ASIC2: variants seen among roughly 807,000 people sequenced by gnomAD.
ASIC2 encodes the protein acid-sensing ion channel 2.
Under a neutral mutation model 57.3 loss-of-function variants are expected in ASIC2, and 25 were observed. That is an observed-to-expected ratio of 0.44 (90% CI 0.32 to 0.61). The LOEUF is 0.61. Among genes scored for constraint, ASIC2 ranks in the 20% least tolerant of loss-of-function variants. The probability of loss-of-function intolerance (pLI) is 0.06; values close to 1 mark genes in which losing one functional copy is unlikely to be tolerated. For synonymous variants in ASIC2, 319 were observed against 307.5 expected, an observed-to-expected ratio of 1.04 and a Z score of -0.39; for missense variants, 641 against 738.1, an observed-to-expected ratio of 0.87 and a Z score of 1.52.
At chr17:33,576,425 G>C (rs1446468200) in intron 1 of ASIC2, among the ~76,000 whole-genome samples, 2 of 152,170 alleles carry the variant, frequency 1.3e-5, no homozygotes, top group African/African-American at 2.4e-5. Flanking sequence ...CACATAGCAG[G>C]CACCCTCATT....
intron 1 of ASIC2, among the ~76,000 whole-genome samples, chr17:34,131,728 C>T (rs989370899): frequency 3.9e-5 from 6 of 152,256 alleles, no homozygotes; most frequent in African/African-American, 1.4e-4. Context: ...GCTCTGCGTG[C>T]CTTTCCTTTA....
intron 1 of ASIC2, among the ~76,000 whole-genome samples, chr17:33,391,652 T>A (rs911278741): frequency 6.6e-6 from 1 of 152,230 alleles, no homozygotes; most frequent in Non-Finnish European, 1.5e-5. Flanking sequence ...TCTAAGTGCC[T>A]TGACCTTGAG....
chr17:33,333,358 G>A (rs1231625580), intron 1 of ASIC2, among the ~76,000 whole-genome samples: 1 of 152,184 alleles, frequency 6.6e-6, no homozygotes, highest in East Asian at 1.9e-4. Context: ...CAGATGTCCA[G>A]TGTTCATATG....
intron 1 of ASIC2, among the ~76,000 whole-genome samples, chr17:33,266,751 C>T (rs920172947): frequency 7.2e-5 from 11 of 152,096 alleles, no homozygotes; most frequent in Non-Finnish European, 1.2e-4. Flanking sequence ...ATGGTGCATG[C>T]CATTGTGACA....
intron 1 of ASIC2, among the ~76,000 whole-genome samples, chr17:33,340,290 G>A (rs2142236055): frequency 6.6e-6 from 1 of 152,254 alleles, no homozygotes; most frequent in East Asian, 1.9e-4. Context: ...GAGGGTGATG[G>A]GGAGTGGGAG....
At chr17:33,188,074 C>T (rs1906273131) in intron 1 of ASIC2, among the ~76,000 whole-genome samples, 1 of 151,962 alleles carries the variant, frequency 6.6e-6, no homozygotes, top group Non-Finnish European at 1.5e-5. Context: ...ATATTATTTG[C>T]TCAAGAAGAT....
At chr17:33,742,401 T>G (rs1266539747) in intron 1 of ASIC2, among the ~76,000 whole-genome samples, 1 of 152,176 alleles carries the variant, frequency 6.6e-6, no homozygotes, top group African/African-American at 2.4e-5. Context: ...CACATTTTTT[T>G]GATCCCCACT....
At chr17:33,251,455 A>G (rs1908879097) in intron 1 of ASIC2, among the ~76,000 whole-genome samples, 1 of 152,098 alleles carries the variant, frequency 6.6e-6, no homozygotes, top group African/African-American at 2.4e-5. Context: ...TCAGCCTCCC[A>G]AGTAACTGAG....
chr17:33,969,663 G>A (rs900840706), intron 1 of ASIC2, among the ~76,000 whole-genome samples: 18 of 152,146 alleles, frequency 1.2e-4, no homozygotes, highest in South Asian at 2.1e-4. Flanking sequence ...CCCGAGGGAC[G>A]GGAGCTGTAC....
chr17:33,233,846 G>A (rs1393054652), intron 1 of ASIC2, among the ~76,000 whole-genome samples: 1 of 152,192 alleles, frequency 6.6e-6, no homozygotes, highest in Non-Finnish European at 1.5e-5. Context: ...TTATGAAGCA[G>A]ATTGTCAAGA....
chr17:33,562,245 T>C (rs1916096560), intron 1 of ASIC2, among the ~76,000 whole-genome samples: 1 of 152,110 alleles, frequency 6.6e-6, no homozygotes, highest in Non-Finnish European at 1.5e-5. Context: ...TAAATGGCTG[T>C]TTTTATGCAG....
chr17:33,483,051 G>A (rs956630461), intron 1 of ASIC2, among the ~76,000 whole-genome samples: 4 of 152,140 alleles, frequency 2.6e-5, no homozygotes, highest in African/African-American at 4.8e-5. Flanking sequence ...AGGCAGAAGC[G>A]GGAGGGAAGT....
chr17:33,107,495 C>T (rs1210238551), intron 2 of ASIC2, among the ~76,000 whole-genome samples: 1 of 152,114 alleles, frequency 6.6e-6, no homozygotes, highest in Non-Finnish European at 1.5e-5. Flanking sequence ...CCATAGGGCT[C>T]GTTTTGGGGC....
chr17:33,283,423 G>T (rs1001568892), intron 1 of ASIC2, among the ~76,000 whole-genome samples: 5 of 152,188 alleles, frequency 3.3e-5, no homozygotes, highest in Admixed American at 2.0e-4. Context: ...GGTCTCTGTT[G>T]AGGGCCTAGT....
Position 34,002,630 on chromosome 17 carries a change from A to G in ASIC2, c.555+153348T>C, listed in dbSNP as rs1290377478. 2.6e-5 allele frequency: 4 copies of G among 152,200 alleles called. No homozygotes were observed. In the East Asian group the frequency reaches 5.8e-4, roughly 22 times the overall value. 9.4% of individuals were successfully genotyped at this position (152,200 alleles called of 1,614,324 possible). On this transcript the variant is annotated intron_variant, in intron 1 of 9. Coordinates refer to the ASIC2 transcript ENST00000359872. ...GATTCTATATTTTAAAAATTCCAAC[A>G]TCTTCATTTTGTTTCCTCAGTCCAA...
In ASIC2 at chr17:33,404,188, G is replaced by A. The variant is rs146705988; in HGVS notation, c.556-292121C>T. On this transcript the variant is annotated intron_variant, in intron 1 of 9. Transcript: ENST00000359872. The stretch of plus-strand genomic sequence containing the variant: ...TTGCTAGAACTGGAGGTGGGGACTA[G>A]GAGTGACTGCAAATTAATGAACATG... Among the ~76,000 whole-genome samples, 14 of 152,290 alleles carry A rather than the reference G, an allele frequency of 9.2e-5. No homozygotes were observed. In the East Asian group the frequency reaches 2.7e-3, roughly 29 times the overall value.
intron 3 of ASIC2, among the ~76,000 whole-genome samples, chr17:33,035,051 T>C (rs181862418): frequency 6.6e-6 from 1 of 152,318 alleles, no homozygotes; most frequent in Non-Finnish European, 1.5e-5. Flanking sequence ...TAATAATTTT[T>C]ATTAACCTGT....
At chr17:33,700,959 G>T (rs1423899230) in intron 1 of ASIC2, among the ~76,000 whole-genome samples, 2 of 152,144 alleles carry the variant, frequency 1.3e-5, no homozygotes, top group African/African-American at 4.8e-5. Flanking sequence ...AATTGGGGGA[G>T]CATTCTAAGG....
At chr17:33,332,284 A>G (rs945875569) in intron 1 of ASIC2, among the ~76,000 whole-genome samples, 7 of 152,388 alleles carry the variant, frequency 4.6e-5, no homozygotes, top group Non-Finnish European at 8.8e-5. Context: ...ATTTTCTAGT[A>G]ACCCTATTTT....
Sources: gnomAD v4.1 joint callset for allele counts (sites outside exome capture counted in the v4.1 genomes callset) on GRCh38, gnomAD v4.1.1 for gene constraint, MANE v1.5 for transcripts, NCBI Gene and HGNC (gene_info 2026-07-23, HGNC 2026-07-21) for gene names.